The following SGCZ variants were observed in gnomAD, a reference collection of about 807,000 sequenced individuals.
SGCZ encodes the protein sarcoglycan zeta, also known as zeta-sarcoglycan.
Under a neutral mutation model 41.3 loss-of-function variants are expected in SGCZ, and 40 were observed. The observed-to-expected ratio is 0.97, with a 90% CI of 0.75 to 1.26. The LOEUF is 1.26. Ranked by LOEUF, SGCZ falls within the 50% of genes most tolerant of loss-of-function variation. The probability of loss-of-function intolerance (pLI) is 0.00; values close to 1 mark genes in which losing one functional copy is unlikely to be tolerated. For missense variants in SGCZ, 552 were observed against 369.8 expected, an observed-to-expected ratio of 1.49 and a Z score of -4.04; for synonymous variants, 206 against 137.5, an observed-to-expected ratio of 1.50 and a Z score of -3.49.
intron 1 of SGCZ, among the ~76,000 whole-genome samples, chr8:14,599,649 G>A (rs1025672121): frequency 2.0e-5 from 3 of 152,138 alleles, no homozygotes; most frequent in Non-Finnish European, 2.9e-5. Flanking sequence ...ATCTGAAGAC[G>A]CATATTCATC....
At chr8:14,285,560 T>C (rs1261440324) in intron 3 of SGCZ, among the ~76,000 whole-genome samples, 1 of 136,820 alleles carries the variant, frequency 7.3e-6, no homozygotes, top group Non-Finnish European at 1.6e-5. Context: ...ATAGGTCCTA[T>C]CTAAAGTGTT....
At chr8:14,649,465 C>G (rs949026147) in intron 1 of SGCZ, among the ~76,000 whole-genome samples, 2 of 152,024 alleles carry the variant, frequency 1.3e-5, no homozygotes, top group African/African-American at 2.4e-5. Context: ...AGCAGCCACC[C>G]TGGGATCCTG....
chr8:14,947,394 T>A (rs1408027498), intron 1 of SGCZ, among the ~76,000 whole-genome samples: 3 of 152,162 alleles, frequency 2.0e-5, no homozygotes, highest in African/African-American at 7.2e-5. Flanking sequence ...GGATCTTTTT[T>A]ATTTATTTGT....
At chr8:14,853,541 A>T in intron 1 of SGCZ, 1 of 525,760 alleles carries the variant, frequency 1.9e-6, no homozygotes, top group South Asian at 1.4e-5. Flanking sequence ...AAGTCTCTTG[A>T]TAAATTATGC....
rs752497755 is a variant in SGCZ, at chr8:14,554,969, AG to A, written c.40-44del. 8 of 1,494,444 alleles carry A rather than the reference AG, an allele frequency of 5.4e-6. No individual in the cohort carries two copies. In the African/African-American group the frequency reaches 1.1e-4, roughly 21 times the overall value. 92.6% of individuals were successfully genotyped at this position (1,494,444 alleles called of 1,614,324 possible). ...AAGAAAGAGAAAGAAGGAAAAAAAA[AG>A]AAGCATTAAAAAAAATAAACCCATG... is the stretch of plus-strand genomic sequence containing the variant. On this transcript the variant is annotated intron_variant, in intron 1 of 7. Coordinates refer to ENST00000382080, the MANE Select transcript of SGCZ (RefSeq NM_139167.4).
chr8:14,694,711 T>C (rs1407419924), intron 1 of SGCZ, among the ~76,000 whole-genome samples: 1 of 152,164 alleles, frequency 6.6e-6, no homozygotes, highest in Admixed American at 6.6e-5. Context: ...TTACTGTCAT[T>C]TCAATATACA....
chr8:15,233,983 G>A (rs1208575001), intron 1 of SGCZ, among the ~76,000 whole-genome samples: 2 of 152,196 alleles, frequency 1.3e-5, no homozygotes, highest in East Asian at 3.9e-4. Context: ...CTGAAAGCAT[G>A]ACTTAATTGC....
chr8:15,013,214 A>G (rs1257161069), intron 1 of SGCZ, among the ~76,000 whole-genome samples: 2 of 152,226 alleles, frequency 1.3e-5, no homozygotes, highest in African/African-American at 4.8e-5. Context: ...ATAAAAATCC[A>G]TATGGATTGG....
intron 5 of SGCZ, among the ~76,000 whole-genome samples, chr8:14,155,471 GA>G (rs1196696602): frequency 3.3e-5 from 5 of 151,846 alleles, no homozygotes; most frequent in South Asian, 2.1e-4. Context: ...TGGAATATAT[GA>G]AAAAAATCAT....
At chr8:14,901,586 T>C (rs1400186034) in intron 1 of SGCZ, among the ~76,000 whole-genome samples, 1 of 152,134 alleles carries the variant, frequency 6.6e-6, no homozygotes, top group Non-Finnish European at 1.5e-5. Flanking sequence ...GTTAGGTTCT[T>C]CACACATTTT....
chr8:14,857,731 T>C (rs1803591778), intron 1 of SGCZ, among the ~76,000 whole-genome samples: 1 of 152,038 alleles, frequency 6.6e-6, no homozygotes. Flanking sequence ...CCCAGCGTGG[T>C]GGCAAGTGCC....
chr8:14,868,106 T>C (rs1803999337), intron 1 of SGCZ, among the ~76,000 whole-genome samples: 1 of 152,142 alleles, frequency 6.6e-6, no homozygotes, highest in Admixed American at 6.6e-5. Context: ...TGTAAGCCTC[T>C]GCGTTCGCTG....
chr8:14,868,515 G>C (rs1804016746), intron 1 of SGCZ, among the ~76,000 whole-genome samples: 1 of 152,030 alleles, frequency 6.6e-6, no homozygotes, highest in African/African-American at 2.4e-5. Context: ...TGAATGAGTG[G>C]ATAGATGAAA....
chr8:14,510,599 T>C (rs747696013), intron 2 of SGCZ, among the ~76,000 whole-genome samples: 2 of 152,140 alleles, frequency 1.3e-5, no homozygotes, highest in Non-Finnish European at 2.9e-5. Flanking sequence ...TACGCCATCA[T>C]TCAGATTTTG....
At chr8:14,251,196 C>T (rs1799272013) in intron 3 of SGCZ, among the ~76,000 whole-genome samples, 1 of 151,986 alleles carries the variant, frequency 6.6e-6, no homozygotes, top group Non-Finnish European at 1.5e-5. Context: ...CCACTGTACT[C>T]CAGTCTGGGC....
At chr8:14,691,528 T>C (rs1267386585) in intron 1 of SGCZ, among the ~76,000 whole-genome samples, 1 of 152,050 alleles carries the variant, frequency 6.6e-6, no homozygotes, top group African/African-American at 2.4e-5. Context: ...GAATTCCAAA[T>C]ATTTCAAAAT....
chr8:14,326,684 A>G (rs12543702), intron 2 of SGCZ, among the ~76,000 whole-genome samples: 30,487 of 152,196 alleles, frequency 0.2, 3,769 homozygotes, highest in Non-Finnish European at 0.29. Context: ...AAGTGGAATT[A>G]AAGAGTTATT....
chr8:14,592,804 A>G (rs1025414140), intron 1 of SGCZ, among the ~76,000 whole-genome samples: 5 of 152,296 alleles, frequency 3.3e-5, no homozygotes, highest in African/African-American at 1.2e-4. Context: ...ACTGAAGGAA[A>G]TCAGAGTGGC....
chr8:14,675,422 A>C (rs538615883), intron 1 of SGCZ, among the ~76,000 whole-genome samples: 1 of 152,170 alleles, frequency 6.6e-6, no homozygotes, highest in Non-Finnish European at 1.5e-5. Context: ...TTCACATATT[A>C]AATACAGAGG....
Sources: gnomAD v4.1 joint callset for allele counts (sites outside exome capture counted in the v4.1 genomes callset) on GRCh38, gnomAD v4.1.1 for gene constraint, MANE v1.5 for transcripts, NCBI Gene and HGNC (gene_info 2026-07-23, HGNC 2026-07-21) for gene names.